Variants in ZBTB7C observed in about 807,000 individuals in gnomAD.
ZBTB7C encodes zinc finger and BTB domain-containing protein 7C.
ZBTB7C carries 8 observed loss-of-function variants against 25.7 expected under a neutral mutation model. The ratio of observed to expected loss-of-function variants is 0.31; its 90% CI spans 0.18 to 0.56. ZBTB7C has a LOEUF of 0.56. Ranked by LOEUF, ZBTB7C falls within the 20% of genes least tolerant of loss-of-function variation. ZBTB7C has a pLI of 0.91. For missense variants in ZBTB7C, 824 were observed against 855.2 expected, an observed-to-expected ratio of 0.96 and a Z score of 0.46; for synonymous variants, 394 against 369.0, an observed-to-expected ratio of 1.07 and a Z score of -0.78.
intron 3 of ZBTB7C, among the ~76,000 whole-genome samples, chr18:48,157,868 T>G (rs560623963): frequency 6.6e-6 from 1 of 152,246 alleles, no homozygotes; most frequent in African/African-American, 2.4e-5. Flanking sequence ...AATGGGACAA[T>G]GGCAAAACAC....
intron 3 of ZBTB7C, chr18:48,083,974 C>T (rs1006918411): frequency 2.2e-5 from 17 of 780,280 alleles, no homozygotes; most frequent in Middle Eastern, 6.4e-4. Context: ...CCAGGGTCGT[C>T]GCAGGGACAG....
chr18:48,199,649 C>G (rs1036342793), intron 2 of ZBTB7C, among the ~76,000 whole-genome samples: 14 of 151,828 alleles, frequency 9.2e-5, no homozygotes, highest in African/African-American at 2.7e-4. Flanking sequence ...CCTTCTCCCC[C>G]TCCCGCTCCT....
chr18:48,269,352 A>G (rs945327315), intron 2 of ZBTB7C, among the ~76,000 whole-genome samples: 2 of 152,184 alleles, frequency 1.3e-5, no homozygotes, highest in Admixed American at 6.5e-5. Flanking sequence ...ATATATGAGC[A>G]CTAATCATAT....
chr18:48,325,585 G>T (rs1405356802), intron 2 of ZBTB7C, among the ~76,000 whole-genome samples: 1 of 152,186 alleles, frequency 6.6e-6, no homozygotes, highest in Non-Finnish European at 1.5e-5. Flanking sequence ...TCAAAGCTTT[G>T]ATTTCACATT....
intron 3 of ZBTB7C, among the ~76,000 whole-genome samples, chr18:48,129,938 C>T (rs2039937161): frequency 6.6e-6 from 1 of 152,220 alleles, no homozygotes; most frequent in African/African-American, 2.4e-5. Context: ...CTCTGCCTCC[C>T]TGCTCCCTAG....
At chr18:48,305,975 A>G (rs1027575690) in intron 2 of ZBTB7C, among the ~76,000 whole-genome samples, 2 of 152,238 alleles carry the variant, frequency 1.3e-5, no homozygotes, top group Non-Finnish European at 2.9e-5. Context: ...ACATCCTGAA[A>G]AGAAAAAATA....
At chr18:48,370,828 TC>T (rs1488032705) in intron 1 of ZBTB7C, among the ~76,000 whole-genome samples, 1 of 152,158 alleles carries the variant, frequency 6.6e-6, no homozygotes, top group African/African-American at 2.4e-5. Context: ...AGAGGCCTCA[TC>T]CAGTCTCCTG....
chr18:48,211,115 T>TTAAAACAACTG, intron 2 of ZBTB7C, among the ~76,000 whole-genome samples: 1 of 152,124 alleles, frequency 6.6e-6, no homozygotes, highest in African/African-American at 2.4e-5. Context: ...ATAAATGGTG[T>TTAAAACAACTG]TAAAACAACT....
chr18:48,144,210 C>A (rs375934953), intron 3 of ZBTB7C, among the ~76,000 whole-genome samples: 1 of 151,718 alleles, frequency 6.6e-6, no homozygotes, highest in Non-Finnish European at 1.5e-5. Context: ...AGCCGGGAGG[C>A]GGAGGTTGCA....
At chr18:48,353,534 G>T (rs1252704670) in intron 1 of ZBTB7C, among the ~76,000 whole-genome samples, 1 of 152,080 alleles carries the variant, frequency 6.6e-6, no homozygotes, top group African/African-American at 2.4e-5. Context: ...TGCAGCCTGG[G>T]CTCAGCCTCT....
chr18:48,100,357 A>G (rs1456922117), intron 3 of ZBTB7C, among the ~76,000 whole-genome samples: 1 of 152,186 alleles, frequency 6.6e-6, no homozygotes, highest in African/African-American at 2.4e-5. Flanking sequence ...GGTGAAGAGG[A>G]GGCTGGTTCT....
intron 3 of ZBTB7C, among the ~76,000 whole-genome samples, chr18:48,161,618 C>T (rs1467575919): frequency 2.0e-5 from 3 of 152,076 alleles, no homozygotes; most frequent in Admixed American, 2.0e-4. Flanking sequence ...CAACCACAGC[C>T]GCTCCGCCCG....
intron 2 of ZBTB7C, among the ~76,000 whole-genome samples, chr18:48,222,502 C>T (rs2042987798): frequency 6.6e-6 from 1 of 152,194 alleles, no homozygotes; most frequent in Non-Finnish European, 1.5e-5. Context: ...TTCTCTCCCT[C>T]TATACTGTCC....
At chr18:48,039,794 G>T in intron 4 of ZBTB7C, 106 bp downstream of exon 4, 1 of 1,199,326 alleles carries the variant, frequency 8.3e-7, no homozygotes, top group Non-Finnish European at 1.2e-6. Flanking sequence ...GCATGTGTGT[G>T]GGATCTATCT....
At chr18:48,180,148 T>TTCC (rs1568282872) in intron 3 of ZBTB7C, among the ~76,000 whole-genome samples, 109 of 35,598 alleles carry the variant, frequency 3.1e-3, no homozygotes, top group Non-Finnish European at 4.3e-3. Context: ...TCCTTCCTTC[T>TTCC]TTCCCTCCCT....
chr18:48,180,823 G>T (rs2041899337), intron 3 of ZBTB7C, among the ~76,000 whole-genome samples: 1 of 152,140 alleles, frequency 6.6e-6, no homozygotes, highest in Non-Finnish European at 1.5e-5. Flanking sequence ...TATTATTACT[G>T]CTTCTCTGTA....
intron 3 of ZBTB7C, chr18:48,137,180 G>C (rs1345369789): frequency 9.1e-6 from 9 of 985,370 alleles, no homozygotes; most frequent in Non-Finnish European, 1.1e-5. Flanking sequence ...GGTTTTGAGA[G>C]AGCACTCCCT....
At chr18:48,116,875 G>A (rs375462741) in intron 3 of ZBTB7C, among the ~76,000 whole-genome samples, 5 of 152,088 alleles carry the variant, frequency 3.3e-5, no homozygotes, top group South Asian at 4.1e-4. Context: ...CTCCTGTCAC[G>A]CTATGAGTAT....
chr18:48,190,992 G>A (rs1012361200), intron 2 of ZBTB7C, among the ~76,000 whole-genome samples: 2 of 152,162 alleles, frequency 1.3e-5, no homozygotes, highest in Non-Finnish European at 2.9e-5. Flanking sequence ...TCCCATGCTT[G>A]GGGGAGTCGT....
Sources: allele counts gnomAD v4.1 joint callset (sites outside exome capture counted in the v4.1 genomes callset), GRCh38; gene constraint gnomAD v4.1.1; transcripts MANE v1.5; gene names NCBI Gene and HGNC (gene_info 2026-07-23, HGNC 2026-07-21).